STRN3: variants seen among roughly 807,000 people sequenced by gnomAD.
STRN3 encodes the protein striatin-3.
A neutral mutation model predicts 95.6 loss-of-function variants in STRN3; 29 were observed. The observed-to-expected ratio is 0.30, with a 90% CI of 0.23 to 0.41. The LOEUF (loss-of-function observed/expected upper bound fraction) is 0.41, where lower values mean the gene tolerates loss of function less well. Among genes scored for constraint, STRN3 ranks in the 10% least tolerant of loss-of-function variants. The pLI is 1.00. For missense variants in STRN3, 890 were observed against 972.1 expected (o/e 0.92, Z 1.12); for synonymous variants, 331 against 357.6 (o/e 0.93, Z 0.84).
rs8012406 is a variant in STRN3 at position 30,965,007 on chromosome 14, T to C, written c.283-8765A>G. On this transcript the variant is annotated intron_variant, in intron 1 of 17. Coordinates refer to ENST00000357479, the MANE Select transcript of STRN3 (RefSeq NM_001083893.2). Reference sequence around the variant, plus strand: ...TGCAGGAGCTTGCTCTAGTTAGACATGTCATTATTGAGGTTAAGTGTTCAC... The same window carrying C: ...TGCAGGAGCTTGCTCTAGTTAGACACGTCATTATTGAGGTTAAGTGTTCAC... Among the ~76,000 whole-genome samples, 717 of 152,104 alleles carry C rather than the reference T, an allele frequency of 4.7e-3. 3 individuals carry two copies. Among genetic ancestry groups the C allele is most frequent in the African/African-American group, 0.017 (691 of 41,470 alleles).
Position 30,970,447 on chromosome 14 carries a change from G to A in STRN3, c.283-14205C>T, listed in dbSNP as rs529064619. Among the ~76,000 whole-genome samples, 10 of 152,228 alleles carry A rather than the reference G, an allele frequency of 6.6e-5. 1 individual carries two copies. Among genetic ancestry groups the A allele is most frequent in the African/African-American group, 2.2e-4 (9 of 41,534 alleles). On this transcript the variant is annotated intron_variant, in intron 1 of 17. Transcript: ENST00000357479. ...AAACCATACATTCATTTTACTAAAG[G>A]GACAGCTCCCCTCCCCCAGCTGTCA... is the stretch of plus-strand genomic sequence containing the variant.
At chr14:30,977,457 G>A (rs115535843) in intron 1 of STRN3, among the ~76,000 whole-genome samples, 2,592 of 151,816 alleles carry the variant, frequency 0.017, 61 homozygotes, top group African/African-American at 0.06. Flanking sequence ...GGAGAAAGGG[G>A]AAGAAAGAGG....
At chr14:30,952,380 T>C (rs768167232) in intron 3 of STRN3, among the ~76,000 whole-genome samples, 53 of 152,100 alleles carry the variant, frequency 3.5e-4, no homozygotes, top group Admixed American at 1.0e-3. Context: ...TCAGACATTA[T>C]TTCTCTAATC....
Position 31,025,741 on chromosome 14 carries a change from C to T in STRN3, c.282+163G>A, listed in dbSNP as rs1355433643. ...CTTATGCGGGAAAGAGGGAGGGGGA[C>T]TCCAGGAAAAGCCGTTGAGAGGACC... is the stretch of plus-strand genomic sequence containing the variant. On this transcript the variant is annotated intron_variant, in intron 1 of 17. Coordinates refer to ENST00000357479, the MANE Select transcript of STRN3 (RefSeq NM_001083893.2). The T allele has an allele frequency of 3.1e-6, 3 of 962,932 alleles. No homozygotes were observed. In the African/African-American group the frequency reaches 5.1e-5, roughly 16 times the overall value. 59.6% of individuals were successfully genotyped at this position (962,932 alleles called of 1,614,324 possible). A position where few individuals can be genotyped will look rare whatever the true frequency, so the allele number is the denominator to read the frequency against.
chr14:31,012,040 C>A (rs529501456), intron 1 of STRN3, among the ~76,000 whole-genome samples: 3 of 152,204 alleles, frequency 2.0e-5, no homozygotes, highest in Admixed American at 6.5e-5. Flanking sequence ...CGAGATCGCG[C>A]AACTGCGCTC....
chr14:30,896,684 T>C (rs1187025908), intron 16 of STRN3, among the ~76,000 whole-genome samples: 1 of 152,216 alleles, frequency 6.6e-6, no homozygotes, highest in Non-Finnish European at 1.5e-5. Flanking sequence ...AATATGTTTC[T>C]ACCTAAACAT....
At chr14:30,997,901 C>T (rs1197158580) in intron 1 of STRN3, among the ~76,000 whole-genome samples, 1 of 152,114 alleles carries the variant, frequency 6.6e-6, no homozygotes, top group Non-Finnish European at 1.5e-5. Context: ...TTGTAAAAAT[C>T]AACTTTTTCA....
At chr14:31,023,254 A>C (rs1224500799) in intron 1 of STRN3, among the ~76,000 whole-genome samples, 1 of 152,154 alleles carries the variant, frequency 6.6e-6, no homozygotes, top group African/African-American at 2.4e-5. Context: ...AATTTTGGTA[A>C]TTCATGTTAT....
At chr14:30,992,969 T>C (rs1436967182) in intron 1 of STRN3, among the ~76,000 whole-genome samples, 1 of 152,174 alleles carries the variant, frequency 6.6e-6, no homozygotes, top group African/African-American at 2.4e-5. Context: ...AGGACATAGG[T>C]GGGTGTGCCA....
At chr14:31,023,539 T>C (rs373210790) in intron 1 of STRN3, among the ~76,000 whole-genome samples, 4 of 152,212 alleles carry the variant, frequency 2.6e-5, no homozygotes, top group Non-Finnish European at 5.9e-5. Context: ...TCACGTTCTC[T>C]ATTGAAACTA....
At chr14:30,902,688 TAAG>T (rs750381453) in intron 15 of STRN3, 45 bp from the exon 16 acceptor site, 17 of 1,286,082 alleles carry the variant, frequency 1.3e-5, no homozygotes, top group Non-Finnish European at 1.9e-5. Flanking sequence ...AAACCTTTAA[TAAG>T]AAGTTGGATA....
intron 1 of STRN3, among the ~76,000 whole-genome samples, chr14:30,977,862 G>A (rs1881191966): frequency 1.4e-5 from 2 of 147,418 alleles, no homozygotes; most frequent in African/African-American, 5.0e-5. Flanking sequence ...ACATTAAAAG[G>A]AAAATAAAAA....
chr14:31,003,359 AAAC>A (rs966967208), intron 1 of STRN3, among the ~76,000 whole-genome samples: 4 of 145,736 alleles, frequency 2.7e-5, no homozygotes, highest in African/African-American at 8.4e-5. Context: ...GAAAAAAAAA[AAAC>A]AAACAACTCA....
intron 16 of STRN3, among the ~76,000 whole-genome samples, chr14:30,897,042 C>G (rs139946204): frequency 2.0e-4 from 30 of 152,320 alleles, no homozygotes; most frequent in African/African-American, 7.2e-4. Context: ...TTATAAGTTA[C>G]TCTCCTTTCA....
At chr14:31,016,055 C>T (rs1258593828) in intron 1 of STRN3, among the ~76,000 whole-genome samples, 2 of 152,186 alleles carry the variant, frequency 1.3e-5, no homozygotes, top group Non-Finnish European at 2.9e-5. Context: ...CAAATCACTA[C>T]AACTCCAAAA....
At chr14:30,990,244 G>A (rs1881890243) in intron 1 of STRN3, among the ~76,000 whole-genome samples, 1 of 150,928 alleles carries the variant, frequency 6.6e-6, no homozygotes, top group African/African-American at 2.5e-5. Flanking sequence ...CTCACTGCAA[G>A]CTCTGCCTCT....
intron 5 of STRN3, among the ~76,000 whole-genome samples, chr14:30,944,537 AC>A (rs35490916): frequency 0.042 from 5,891 of 139,258 alleles, 167 homozygotes; most frequent in Non-Finnish European, 0.06. Flanking sequence ...ACATATATAT[AC>A]ATGTATATAT....
In STRN3 at chr14:30,952,457, TGGGAGG is replaced by T. The variant is rs202192022; in HGVS notation, c.461-1519_461-1514del. Among the ~76,000 whole-genome samples the T allele has an allele frequency of 8.6e-3, 1,315 of 152,274 alleles. 22 individuals are homozygous for T. Among genetic ancestry groups the T allele is most frequent in the African/African-American group, 0.03 (1,241 of 41,562 alleles). On this transcript the variant is annotated intron_variant, in intron 3 of 17. Coordinates refer to ENST00000357479, the MANE Select transcript of STRN3 (RefSeq NM_001083893.2). ...CTAAGGGTCTGCAATCCCAGCACTT[TGGGAGG>T]CCAAGGCAGGTGGGTCGCTTGAGCC...
intron 1 of STRN3, among the ~76,000 whole-genome samples, chr14:31,020,476 G>A (rs905762291): frequency 6.6e-6 from 1 of 151,548 alleles, no homozygotes; most frequent in African/African-American, 2.4e-5. Flanking sequence ...TCCAGCCTGA[G>A]TGACAGAGCG....
Sources: gnomAD v4.1 joint callset for allele counts (sites outside exome capture counted in the v4.1 genomes callset) on GRCh38, gnomAD v4.1.1 for gene constraint, MANE v1.5 for transcripts, NCBI Gene and HGNC (gene_info 2026-07-23, HGNC 2026-07-21) for gene names.